The following GATAD2A variants were observed in gnomAD, a reference collection of about 807,000 sequenced individuals.
GATAD2A encodes the protein transcriptional repressor p66-alpha.
In GATAD2A, 12 loss-of-function variants were observed where a neutral mutation model predicts 68.5. The ratio of observed to expected loss-of-function variants is 0.18; its 90% CI spans 0.11 to 0.28. The LOEUF is 0.28. GATAD2A is among the 10% of genes least tolerant of loss of function. The pLI, the probability that GATAD2A is intolerant of heterozygous loss-of-function variation, is 1.00. For synonymous variants in GATAD2A, 410 were observed against 375.3 expected, an observed-to-expected ratio of 1.09 and a Z score of -1.07; for missense variants, 755 against 868.5, an observed-to-expected ratio of 0.87 and a Z score of 1.64.
chr19:19,422,350 C>A (rs1021453863), intron 1 of GATAD2A, among the ~76,000 whole-genome samples: 3 of 152,130 alleles, frequency 2.0e-5, no homozygotes, highest in African/African-American at 7.2e-5. Context: ...AGGTGCCAGC[C>A]CCCACCAGCA....
At chr19:19,436,602 G>A (rs938192737) in intron 1 of GATAD2A, among the ~76,000 whole-genome samples, 4 of 152,220 alleles carry the variant, frequency 2.6e-5, no homozygotes, top group Non-Finnish European at 5.9e-5. Context: ...GCAAAGCCCA[G>A]GGCCCCACAC....
chr19:19,390,825 G>C (rs1451236964), intron 1 of GATAD2A, among the ~76,000 whole-genome samples: 1 of 152,168 alleles, frequency 6.6e-6, no homozygotes, highest in East Asian at 1.9e-4. Flanking sequence ...CTTGAAAGAA[G>C]AGCCATTCTT....
intron 1 of GATAD2A, among the ~76,000 whole-genome samples, chr19:19,443,502 T>C (rs1207722632): frequency 2.0e-5 from 3 of 152,208 alleles, no homozygotes; most frequent in Non-Finnish European, 4.4e-5. Context: ...CATAGTGTTG[T>C]GGTCATGCTT....
At chr19:19,465,218 A>G (rs906516900) in intron 1 of GATAD2A, 122 bp from the exon 2 acceptor site, 40 of 754,338 alleles carry the variant, frequency 5.3e-5, no homozygotes, top group South Asian at 4.9e-4. Context: ...CGTTTGTTGT[A>G]CATTCTTTTG....
chr19:19,485,328 T>C (rs1226868100), intron 2 of GATAD2A, among the ~76,000 whole-genome samples: 2 of 152,250 alleles, frequency 1.3e-5, no homozygotes, highest in African/African-American at 4.8e-5. Context: ...CTGTCAGTTC[T>C]GCTGGTTGGC....
intron 1 of GATAD2A, among the ~76,000 whole-genome samples, chr19:19,411,381 C>T (rs2050903487): frequency 6.6e-6 from 1 of 152,208 alleles, no homozygotes; most frequent in Admixed American, 6.5e-5. Context: ...GGACTTCCAT[C>T]TGTGAGATGG....
rs761132140 is a variant in GATAD2A, at chr19:19,496,183, T to A, written c.888T>A (p.Asn296Lys). The A allele has an allele frequency of 6.8e-6, 11 of 1,613,736 alleles. No individual in the cohort carries two copies. Among genetic ancestry groups the A allele is most frequent in the Non-Finnish European group, 9.3e-6 (11 of 1,180,020 alleles). The change falls in exon 7 of 12, where the codon AAT becomes AAA. Residue 296 changes from asparagine to lysine, a missense_variant. Transcript: ENST00000683918. ...AGCAGGGCCTCATCCGCGTCGCCAATGTTCCCAACACCAGCCTGCTCGTCA... is the reference window on the plus strand; with the variant it reads ...AGCAGGGCCTCATCCGCGTCGCCAAAGTTCCCAACACCAGCCTGCTCGTCA... ...IIQQGLIRVA[N>K]VPNTSLLVNI...
chr19:19,504,655 T>C (rs959932610), intron 11 of GATAD2A, among the ~76,000 whole-genome samples: 3 of 150,628 alleles, frequency 2.0e-5, no homozygotes, highest in Non-Finnish European at 3.0e-5. Flanking sequence ...TTTTTTTTTT[T>C]TTCTTCTTTT....
At chr19:19,407,096 C>G (rs1481607148) in intron 1 of GATAD2A, among the ~76,000 whole-genome samples, 2 of 152,206 alleles carry the variant, frequency 1.3e-5, no homozygotes, top group African/African-American at 2.4e-5. Flanking sequence ...ATCTCTGGTT[C>G]TGTGTGCCCA....
chr19:19,483,929 AG>A (rs2059237548), intron 2 of GATAD2A, among the ~76,000 whole-genome samples: 1 of 151,852 alleles, frequency 6.6e-6, no homozygotes, highest in African/African-American at 2.4e-5. Flanking sequence ...CACCCGGCCT[AG>A]TTCCTCAGTT....
intron 1 of GATAD2A, among the ~76,000 whole-genome samples, chr19:19,387,899 G>A (rs923363630): frequency 5.3e-5 from 8 of 151,948 alleles, no homozygotes; most frequent in African/African-American, 1.7e-4. Context: ...CCCGTCTCCC[G>A]ATGGGAGACA....
At chr19:19,388,043 A>G (rs2048570302) in intron 1 of GATAD2A, among the ~76,000 whole-genome samples, 1 of 145,862 alleles carries the variant, frequency 6.9e-6, no homozygotes, top group South Asian at 2.2e-4. Flanking sequence ...GAGCACTCAC[A>G]TCAAGCTTCT....
intron 1 of GATAD2A, among the ~76,000 whole-genome samples, chr19:19,443,038 C>T (rs1417593591): frequency 3.3e-5 from 5 of 152,032 alleles, no homozygotes; most frequent in African/African-American, 1.2e-4. Flanking sequence ...GTCTGCCCTG[C>T]GTGCCGTTTA....
chr19:19,389,188 G>A (rs1348316840), intron 1 of GATAD2A, among the ~76,000 whole-genome samples: 1 of 152,044 alleles, frequency 6.6e-6, no homozygotes, highest in African/African-American at 2.4e-5. Flanking sequence ...ATTGAGAGAT[G>A]GTCCAAAGGA....
intron 1 of GATAD2A, among the ~76,000 whole-genome samples, chr19:19,459,894 G>T (rs2057273915): frequency 6.6e-6 from 1 of 152,214 alleles, no homozygotes. Context: ...CTCGTACTTG[G>T]CCTTAATGAA....
chr19:19,461,528 CATTTTACGAAAA>C, intron 1 of GATAD2A, among the ~76,000 whole-genome samples: 1 of 152,312 alleles, frequency 6.6e-6, no homozygotes, highest in Non-Finnish European at 1.5e-5. Context: ...TGGATGGTGG[CATTTTACGAAAA>C]TAAAGCAGCA....
chr19:19,415,922 A>C lies in GATAD2A; in HGVS notation c.-7+9903A>C, dbSNP rs2051567987. 2.0e-5 allele frequency among the ~76,000 whole-genome samples: 3 copies of C among 151,136 alleles called. No homozygotes were observed. The South Asian group carries it at 6.3e-4, about 32-fold the overall frequency. On this transcript the variant is annotated intron_variant, in intron 1 of 11. Coordinates refer to ENST00000683918, the MANE Select transcript of GATAD2A (RefSeq NM_001384528.1). ...TGAGCCACCACGCCCGGCCGACTTT[A>C]CATTTTAAGAGCATAAAACTACTTT...
chr19:19,459,880 A>G (rs1188124584), intron 1 of GATAD2A, among the ~76,000 whole-genome samples: 3 of 152,194 alleles, frequency 2.0e-5, no homozygotes, highest in Non-Finnish European at 2.9e-5. Context: ...GTTAAGTTGT[A>G]TCTCTCGTAC....
chr19:19,416,041 C>T (rs1420076838), intron 1 of GATAD2A, among the ~76,000 whole-genome samples: 2 of 152,106 alleles, frequency 1.3e-5, no homozygotes, highest in Non-Finnish European at 2.9e-5. Context: ...TCACTATAGC[C>T]TCGACCTCCT....
Sources: allele counts gnomAD v4.1 joint callset (sites outside exome capture counted in the v4.1 genomes callset), GRCh38; gene constraint gnomAD v4.1.1; transcripts MANE v1.5; gene names NCBI Gene and HGNC (gene_info 2026-07-23, HGNC 2026-07-21).